FBH1: variants seen among roughly 807,000 people sequenced by gnomAD.
The protein encoded by FBH1 is DNA 3'-5' helicase 1.
Under a neutral mutation model 115.5 loss-of-function variants are expected in FBH1, and 43 were observed. That is an observed-to-expected ratio of 0.37 (90% CI 0.29 to 0.48). FBH1 has a LOEUF of 0.48. FBH1 is among the 20% of genes least tolerant of loss of function. The pLI is 0.99. For synonymous variants in FBH1, 524 were observed against 507.8 expected, an observed-to-expected ratio of 1.03 and a Z score of -0.43; for missense variants, 1,001 against 1,337.3, an observed-to-expected ratio of 0.75 and a Z score of 3.92.
rs1833042376 is a variant in FBH1 at position 5,932,887 on chromosome 10, C to A, written c.2830-3569C>A. ...TGTGTGCCACCACACCTGGCTAATT[C>A]TGTATTTTTTGTAGAGACGGGGTTT... On this transcript the variant is annotated intron_variant, in intron 19 of 20. Transcript: ENST00000362091. This position sits in a 1 kb window ranked among gnomAD's most constrained non-coding sequence, Gnocchi z 5.9. 6.6e-6 allele frequency among the ~76,000 whole-genome samples: 1 copy of A among 151,910 alleles called. No homozygotes were observed. The highest frequency in any genetic ancestry group is 2.4e-5 in the African/African-American group (1 of 41,380).
rs1833427840 is a variant in FBH1, at chr10:5,937,330, G to A, written c.*50G>A. Reference sequence around the variant, plus strand: ...TGCAGAGCAGCTTGCCGAGGACCCCGCGTGAAGAAAGCCAGCGAGGGGGGC... The same window carrying A: ...TGCAGAGCAGCTTGCCGAGGACCCCACGTGAAGAAAGCCAGCGAGGGGGGC... On this transcript the variant is annotated 3_prime_UTR_variant, in exon 21 of 21. Transcript: ENST00000362091. The A allele has an allele frequency of 6.3e-6, 9 of 1,434,140 alleles. No homozygotes were observed. Among genetic ancestry groups the A allele is most frequent in the African/African-American group, 2.9e-5 (2 of 68,826 alleles). The allele number at this position is 1,434,140 out of a possible 1,614,324, so 88.8% of individuals were successfully genotyped here.
intron 18 of FBH1, among the ~76,000 whole-genome samples, chr10:5,926,110 C>T (rs541975280): frequency 2.4e-5 from 3 of 127,532 alleles, no homozygotes; most frequent in Non-Finnish European, 5.3e-5. Context: ...TATTCTTATT[C>T]TTATTCTTCT....
rs1187167229 is a variant in FBH1, at chr10:5,897,313, C to T, written c.2-5707C>T. Among the ~76,000 whole-genome samples the T allele has an allele frequency of 1.3e-5, 2 of 152,158 alleles. No individual in the cohort carries two copies. The highest frequency in any genetic ancestry group is 2.9e-5 in the Non-Finnish European group (2 of 68,014). On this transcript the variant is annotated intron_variant, in intron 1 of 20. Transcript: ENST00000362091. This position sits in a 1 kb window ranked among gnomAD's most constrained non-coding sequence, Gnocchi z 4.7. ...CCTGCCAAGTGTGGGTCTTCTCCTG[C>T]ACCCCACAGCCTCGGAGGGGCTTTA...
At position 5,936,708 on chromosome 10, in the gene FBH1, T is replaced by C; in HGVS notation, c.2961+121T>C. The stretch of plus-strand genomic sequence containing the variant: ...AGCTGTGTGATCCTTTATTAGGGGC[T>C]TTTCATATGAGAGGCACAAGAGGTG... On this transcript the variant is annotated intron_variant, in intron 20 of 20. Transcript: ENST00000362091. This position sits in a 1 kb window ranked among gnomAD's most constrained non-coding sequence, Gnocchi z 5.6. The C allele has an allele frequency of 7.7e-7, 1 of 1,295,600 alleles. No homozygotes were observed. Among genetic ancestry groups the C allele is most frequent in the South Asian group, 1.3e-5 (1 of 75,322 alleles). 80.3% of individuals were successfully genotyped at this position (1,295,600 alleles called of 1,614,324 possible). A position where few individuals can be genotyped will look rare whatever the true frequency, so the allele number is the denominator to read the frequency against.
At position 5,900,464 on chromosome 10, in the gene FBH1, C is replaced by T. The variant is rs376218002; in HGVS notation, c.2-2556C>T. On this transcript the variant is annotated intron_variant, in intron 1 of 20. Transcript: ENST00000362091. The surrounding 1 kb of genome is among the most constrained non-coding windows in gnomAD (Gnocchi z 4.2). ...CCGCCAGGCCCTCGCCGGCTCACCA[C>T]GCTGCGCTGTGCTGCTTCGTGAGAG... is the stretch of plus-strand genomic sequence containing the variant. 6.6e-5 allele frequency among the ~76,000 whole-genome samples: 10 copies of T among 152,216 alleles called. No homozygotes were observed. In the South Asian group the frequency reaches 1.0e-3, roughly 16 times the overall value.
At position 5,924,429 on chromosome 10, in the gene FBH1, T is replaced by A. The variant is rs1028135383; in HGVS notation, c.2517T>A (p.Val839=). The change falls in exon 17 of 21, where the codon GTT becomes GTA. Residue 839 remains valine, a synonymous_variant. Coordinates refer to ENST00000362091, the MANE Select transcript of FBH1 (RefSeq NM_178150.3). This position sits in a 1 kb window ranked among gnomAD's most constrained non-coding sequence, Gnocchi z 6.2. Reference sequence around the variant, plus strand: ...AGGAGCTTGAAGCCAAGATCGCAGTTGTTGAAAAGTATAACATCAGGATTC... The same window carrying A: ...AGGAGCTTGAAGCCAAGATCGCAGTAGTTGAAAAGTATAACATCAGGATTC... ...EDKELEAKIA[V]VEKYNIRIPE... 3 of 1,614,176 alleles carry A rather than the reference T, an allele frequency of 1.9e-6. No homozygotes were observed. Among genetic ancestry groups the A allele is most frequent in the Non-Finnish European group, 2.5e-6 (3 of 1,180,022 alleles).
chr10:5,912,875 T>G (rs1477038803), intron 6 of FBH1, among the ~76,000 whole-genome samples: 1 of 152,212 alleles, frequency 6.6e-6, no homozygotes, highest in Non-Finnish European at 1.5e-5. Flanking sequence ...TATGTTGATT[T>G]TTGTTGCGTT....
rs1589109043 is a variant in FBH1, at chr10:5,925,979, C to T, written c.2722+487C>T. Among the ~76,000 whole-genome samples the T allele has an allele frequency of 6.6e-6, 1 of 152,182 alleles. No individual in the cohort carries two copies. Among genetic ancestry groups the T allele is most frequent in the Non-Finnish European group, 1.5e-5 (1 of 68,052 alleles). On this transcript the variant is annotated intron_variant, in intron 18 of 20. Coordinates refer to ENST00000362091, the MANE Select transcript of FBH1 (RefSeq NM_178150.3). This position sits in a 1 kb window ranked among gnomAD's most constrained non-coding sequence, Gnocchi z 4.6. ...CAGACAGGGGTCTCACTATGTTGCT[C>T]AGGCTGGTCTCAAAGTCTTAGGCTC...
At position 5,923,733 on chromosome 10, in the gene FBH1, G is replaced by C; in HGVS notation, c.2398+37G>C. On this transcript the variant is annotated intron_variant, in intron 16 of 20. Coordinates refer to ENST00000362091, the MANE Select transcript of FBH1 (RefSeq NM_178150.3). This position sits in a 1 kb window ranked among gnomAD's most constrained non-coding sequence, Gnocchi z 5.7. ...CCTGGCCTTGGTGCATTGGAAGGAC[G>C]CACCCAAGTGACAGGGACGAGAAAG... The C allele has an allele frequency of 1.3e-6, 2 of 1,565,158 alleles. No individual in the cohort carries two copies. The highest frequency in any genetic ancestry group is 1.1e-5 in the South Asian group (1 of 88,200).
rs1276210080 is a variant in FBH1 at position 5,900,535 on chromosome 10, C to T, written c.2-2485C>T. 6.6e-6 allele frequency among the ~76,000 whole-genome samples: 1 copy of T among 152,218 alleles called. No individual in the cohort carries two copies. The highest frequency in any genetic ancestry group is 1.5e-5 in the Non-Finnish European group (1 of 68,042). ...GAGGCCTGGCGCTCATGGGGTTGCA[C>T]CCAGCTTCTGAGTTCAGGTAGTTAG... On this transcript the variant is annotated intron_variant, in intron 1 of 20. Coordinates refer to ENST00000362091, the MANE Select transcript of FBH1 (RefSeq NM_178150.3). This position sits in a 1 kb window ranked among gnomAD's most constrained non-coding sequence, Gnocchi z 4.2.
intron 2 of FBH1, among the ~76,000 whole-genome samples, 190 bp from the exon 3 acceptor site, chr10:5,905,847 A>G (rs756911518): frequency 6.6e-6 from 1 of 152,252 alleles, no homozygotes; most frequent in African/African-American, 2.4e-5. Context: ...TGTGTCTGGT[A>G]ATATGATAGA....
rs1833433608 is a variant in FBH1 at position 5,937,408 on chromosome 10, C to T, written c.*128C>T. The stretch of plus-strand genomic sequence containing the variant: ...CCACAGCACTTTCTGAGGAAGAGGA[C>T]ACCAGCCCAAGCTGGACCTGCCATT... On this transcript the variant is annotated 3_prime_UTR_variant, in exon 21 of 21. Coordinates refer to ENST00000362091, the MANE Select transcript of FBH1 (RefSeq NM_178150.3). 1.9e-6 allele frequency: 2 copies of T among 1,073,648 alleles called. No individual in the cohort carries two copies. Among genetic ancestry groups the T allele is most frequent in the South Asian group, 4.7e-5 (2 of 42,840 alleles). The allele number at this position is 1,073,648 out of a possible 1,614,324, so 66.5% of individuals were successfully genotyped here.
Position 5,921,578 on chromosome 10 carries a change from AC to A in FBH1, c.2322+10del. ...GGATACATTTGATTGGGGTAAGAGT[AC>A]ATTTCTGTTGACCACTTCATGCACA... On this transcript the variant is annotated intron_variant, in intron 15 of 20. Coordinates refer to ENST00000362091, the MANE Select transcript of FBH1 (RefSeq NM_178150.3). The surrounding 1 kb of genome is among the most constrained non-coding windows in gnomAD (Gnocchi z 6.4). 1 of 1,591,772 alleles carries A rather than the reference AC, an allele frequency of 6.3e-7. No individual in the cohort carries two copies. Among genetic ancestry groups the A allele is most frequent in the Non-Finnish European group, 8.5e-7 (1 of 1,174,832 alleles).
chr10:5,903,009 G>A lies in FBH1; in HGVS notation c.2-11G>A. 1.9e-6 allele frequency: 3 copies of A among 1,600,978 alleles called. No individual in the cohort carries two copies. The highest frequency in any genetic ancestry group is 2.6e-6 in the Non-Finnish European group (3 of 1,171,804). ...AATATCCCCTTTCTTCTACCTGCTG[G>A]TATGAAACAGTGAGACGGTTTAAGC... is the stretch of plus-strand genomic sequence containing the variant. On this transcript the variant is annotated splice_polypyrimidine_tract_variant and intron_variant, in intron 1 of 20. Transcript: ENST00000362091.
Position 5,931,367 on chromosome 10 carries a change from C to T in FBH1, c.2829+3826C>T, listed in dbSNP as rs768556963. The stretch of plus-strand genomic sequence containing the variant: ...GTTTACACATGTTCTCTTCATTCTC[C>T]TGGGTTTCAAAAGCTGCACCGTATC... On this transcript the variant is annotated intron_variant, in intron 19 of 20. Coordinates refer to ENST00000362091, the MANE Select transcript of FBH1 (RefSeq NM_178150.3). This position sits in a 1 kb window ranked among gnomAD's most constrained non-coding sequence, Gnocchi z 4.3. Among the ~76,000 whole-genome samples, 34 of 152,192 alleles carry T rather than the reference C, an allele frequency of 2.2e-4. No individual in the cohort carries two copies. The highest frequency in any genetic ancestry group is 3.7e-4 in the Non-Finnish European group (25 of 68,040).
intron 1 of FBH1, among the ~76,000 whole-genome samples, chr10:5,891,348 C>T (rs1589036056): frequency 6.6e-6 from 1 of 152,108 alleles, no homozygotes; most frequent in Admixed American, 6.6e-5. Flanking sequence ...ATTGTTCTGT[C>T]GTGCCTTGTC....
In FBH1 at chr10:5,923,895, C is replaced by T. The variant is rs780175968; in HGVS notation, c.2398+199C>T. On this transcript the variant is annotated intron_variant, in intron 16 of 20. Coordinates refer to ENST00000362091, the MANE Select transcript of FBH1 (RefSeq NM_178150.3). This position sits in a 1 kb window ranked among gnomAD's most constrained non-coding sequence, Gnocchi z 5.7. ...CTGACAGATTTTTCCAGATCCTCCTCACAGGAGCCTCAGTCTCTTTCCAAC... is the reference window on the plus strand; with the variant it reads ...CTGACAGATTTTTCCAGATCCTCCTTACAGGAGCCTCAGTCTCTTTCCAAC... The T allele has an allele frequency of 8.8e-4, 520 of 593,074 alleles. 5 individuals carry two copies. Among genetic ancestry groups the T allele is most frequent in the Non-Finnish European group, 4.1e-4 (139 of 336,082 alleles). The allele number at this position is 593,074 out of a possible 1,614,324, so 36.7% of individuals were successfully genotyped here.
intron 1 of FBH1, among the ~76,000 whole-genome samples, chr10:5,898,491 A>T (rs1466361231): frequency 6.6e-6 from 1 of 151,816 alleles, no homozygotes; most frequent in East Asian, 1.9e-4. Context: ...GCTCACAGCA[A>T]CCTCCACCTC....
At position 5,910,924 on chromosome 10, in the gene FBH1, C is replaced by T. The variant is rs1436282206; in HGVS notation, c.1021-14C>T. The T allele has an allele frequency of 3.1e-6, 5 of 1,602,800 alleles. No individual in the cohort carries two copies. The Admixed American group carries it at 5.0e-5, about 16-fold the overall frequency. On this transcript the variant is annotated splice_polypyrimidine_tract_variant and intron_variant, in intron 5 of 20. Coordinates refer to ENST00000362091, the MANE Select transcript of FBH1 (RefSeq NM_178150.3). The surrounding 1 kb of genome is among the most constrained non-coding windows in gnomAD (Gnocchi z 4.8). Reference sequence around the variant, plus strand: ...TGTGGGCTGTCCCTCCCTCCCTGTGCACCTGGCTTGCAGGGTGTCAACATC... The same window carrying T: ...TGTGGGCTGTCCCTCCCTCCCTGTGTACCTGGCTTGCAGGGTGTCAACATC...
Sources: gnomAD v4.1 joint callset for allele counts (sites outside exome capture counted in the v4.1 genomes callset) on GRCh38, gnomAD v4.1.1 for gene constraint, Gnocchi (gnomAD v3.1) non-coding constraint, MANE v1.5 for transcripts, NCBI Gene and HGNC (gene_info 2026-07-23, HGNC 2026-07-21) for gene names.